LRRK1: variants seen among roughly 807,000 people sequenced by gnomAD.
LRRK1 encodes leucine-rich repeat serine/threonine-protein kinase 1.
Under a neutral mutation model 209.1 loss-of-function variants are expected in LRRK1, and 113 were observed. The ratio of observed to expected loss-of-function variants is 0.54; its 90% CI spans 0.46 to 0.63. The LOEUF is 0.63. LRRK1 is among the 30% of genes least tolerant of loss of function. The pLI is 0.00. For missense variants in LRRK1, 2,284 were observed against 2,632.2 expected (o/e 0.87, Z 2.89); for synonymous variants, 1,144 against 1,099.7 (o/e 1.04, Z -0.80).
chr15:101,070,216 T>G lies in LRRK1; in HGVS notation c.*1368T>G, dbSNP rs993505173. 2 of 151,886 alleles carry G rather than the reference T, an allele frequency of 1.3e-5. No individual in the cohort carries two copies. The highest frequency in any genetic ancestry group is 1.5e-5 in the Non-Finnish European group (1 of 68,028). 9.4% of individuals were successfully genotyped at this position (151,886 alleles called of 1,614,324 possible). A position where few individuals can be genotyped will look rare whatever the true frequency, so the allele number is the denominator to read the frequency against. ...TAATGGGCAGCCCCTCCTTGCCCAC[T>G]GTGCCAACATGCAGGTGGCCCCTGA... On this transcript the variant is annotated 3_prime_UTR_variant, in exon 34 of 34. Transcript: ENST00000388948.
intron 2 of LRRK1, among the ~76,000 whole-genome samples, chr15:100,942,840 A>G (rs940820875): frequency 1.3e-5 from 2 of 152,160 alleles, no homozygotes; most frequent in African/African-American, 4.8e-5. Context: ...TTGGGTCCTC[A>G]TGAGGCCTCT....
intron 3 of LRRK1, among the ~76,000 whole-genome samples, chr15:100,975,144 C>T (rs2031216010): frequency 6.6e-6 from 1 of 152,234 alleles, no homozygotes; most frequent in South Asian, 2.1e-4. Context: ...GAGAGAGCTG[C>T]GCTGTGCACA....
chr15:100,959,969 CT>C (rs1310605402), intron 2 of LRRK1, among the ~76,000 whole-genome samples: 2 of 152,190 alleles, frequency 1.3e-5, no homozygotes, highest in African/African-American at 4.8e-5. Context: ...TTTCCTTGCA[CT>C]CATTTTTGTT....
intron 24 of LRRK1, 81 bp from the exon 25 acceptor site, chr15:101,052,837 TCGGC>T (rs1283850399): frequency 1.4e-6 from 2 of 1,469,132 alleles, no homozygotes; most frequent in African/African-American, 2.8e-5. Context: ...ACCATGACTC[TCGGC>T]CGTTGGGGCA....
chr15:100,937,327 AC>A (rs2042317737), intron 2 of LRRK1, among the ~76,000 whole-genome samples: 1 of 152,104 alleles, frequency 6.6e-6, no homozygotes, highest in African/African-American at 2.4e-5. Context: ...ACCCAAACTT[AC>A]TACCAATTGC....
chr15:100,945,002 A>AG (rs936118955), intron 2 of LRRK1, among the ~76,000 whole-genome samples: 2 of 152,170 alleles, frequency 1.3e-5, no homozygotes, highest in African/African-American at 2.4e-5. Context: ...TCACACATTA[A>AG]GGGTGTCATT....
intron 6 of LRRK1, among the ~76,000 whole-genome samples, chr15:100,996,376 C>T (rs2032411894): frequency 1.3e-5 from 2 of 152,224 alleles, no homozygotes; most frequent in Admixed American, 1.3e-4. Flanking sequence ...GGGGCATGGA[C>T]CCTGACTCCT....
chr15:101,010,966 C>T, intron 9 of LRRK1, 129 bp downstream of exon 9: 1 of 763,010 alleles, frequency 1.3e-6, no homozygotes, highest in Non-Finnish European at 2.1e-6. Context: ...GGCCCGGTTC[C>T]CACATTGTAA....
At position 100,919,459 on chromosome 15, in the gene LRRK1, C is replaced by A. The variant is rs1281993073; in HGVS notation, c.-123+8C>A. 6.8e-6 allele frequency: 1 copy of A among 148,040 alleles called. No homozygotes were observed. The highest frequency in any genetic ancestry group is 1.5e-5 in the Non-Finnish European group (1 of 66,204). The allele number at this position is 148,040 out of a possible 1,614,324, so 9.2% of individuals were successfully genotyped here. A position where few individuals can be genotyped will look rare whatever the true frequency, so the allele number is the denominator to read the frequency against. ...GCCCCGCCGCCGCCTCAGGTAAGCG[C>A]CGCTCCTGCCGGCGCCCCCCGGCGG... is the stretch of plus-strand genomic sequence containing the variant. On this transcript the variant is annotated splice_region_variant and intron_variant, in intron 1 of 33. Coordinates refer to ENST00000388948, the MANE Select transcript of LRRK1 (RefSeq NM_024652.6). The surrounding 1 kb of genome is among the most constrained non-coding windows in gnomAD (Gnocchi z 5.8).
At chr15:101,049,508 TC>T in intron 22 of LRRK1, 135 bp from the exon 23 acceptor site, 1 of 925,482 alleles carries the variant, frequency 1.1e-6, no homozygotes, top group Non-Finnish European at 1.6e-6. Flanking sequence ...CAGGGAGGAG[TC>T]CCCCATCGGT....
chr15:101,018,876 C>T (rs1003904498), intron 12 of LRRK1, among the ~76,000 whole-genome samples: 2 of 152,186 alleles, frequency 1.3e-5, no homozygotes, highest in Admixed American at 6.5e-5. Flanking sequence ...GGGTTATTCT[C>T]CCAGGGCCAT....
In LRRK1 at chr15:100,937,180, A is replaced by C. The variant is rs1395517372; in HGVS notation, c.97+12451A>C. ...TAGATTTTCGAATATTTTAGCATGAAGTTGATAATGGTTCAGGATTTTAAA... is the reference window on the plus strand; with the variant it reads ...TAGATTTTCGAATATTTTAGCATGACGTTGATAATGGTTCAGGATTTTAAA... On this transcript the variant is annotated intron_variant, in intron 2 of 33. Coordinates refer to ENST00000388948, the MANE Select transcript of LRRK1 (RefSeq NM_024652.6). Among the ~76,000 whole-genome samples the C allele has an allele frequency of 2.6e-5, 4 of 152,218 alleles. No homozygotes were observed. The East Asian group carries it at 7.7e-4, about 29-fold the overall frequency.
At chr15:101,020,076 T>C (rs981314942) in intron 12 of LRRK1, among the ~76,000 whole-genome samples, 1 of 152,242 alleles carries the variant, frequency 6.6e-6, no homozygotes, top group African/African-American at 2.4e-5. Context: ...CTAGCTTTTT[T>C]TCATGGAAAA....
chr15:100,983,779 C>A, intron 4 of LRRK1, 80 bp downstream of exon 4: 1 of 1,333,456 alleles, frequency 7.5e-7, no homozygotes, highest in Non-Finnish European at 1.1e-6. Context: ...TTTACTTCTT[C>A]ATGCTTTCAC....
chr15:101,012,107 G>T lies in LRRK1; in HGVS notation c.1381G>T (p.Ala461Ser). The stretch of plus-strand genomic sequence containing the variant: ...GAAGGATGTGGATTTCTCAGAAAAC[G>T]CACTCAAAGAAGTTCCCCTGGGACT... Reference protein sequence around the residue: ...HLKDVDFSENALKEVPLGLFQ... With the variant: ...HLKDVDFSENSLKEVPLGLFQ... Residue 461 changes from alanine to serine, a missense_variant, in exon 10 of 34, where the codon GCA becomes TCA. This residue lies in a region of LRRK1 where 494 missense variants were observed against 522.1 expected (regional missense o/e 0.95). Coordinates refer to ENST00000388948, the MANE Select transcript of LRRK1 (RefSeq NM_024652.6). The T allele has an allele frequency of 6.2e-7, 1 of 1,612,618 alleles. No homozygotes were observed. Among genetic ancestry groups the T allele is most frequent in the Non-Finnish European group, 8.5e-7 (1 of 1,179,514 alleles).
At position 101,008,690 on chromosome 15, in the gene LRRK1, G is replaced by A. The variant is rs928326541; in HGVS notation, c.763-147G>A. 3.6e-5 allele frequency: 23 copies of A among 646,756 alleles called. No homozygotes were observed. In the Admixed American group the frequency reaches 6.1e-4, roughly 17 times the overall value. The allele number at this position is 646,756 out of a possible 1,614,324, so 40.1% of individuals were successfully genotyped here. ...CCCACCACCGTGGCAGGTGCCGGCG[G>A]CCGAGAAGGACATGTGCAGGCCTCT... On this transcript the variant is annotated intron_variant, in intron 6 of 33. Transcript: ENST00000388948.
In LRRK1 at chr15:101,065,671, G is replaced by A. The variant is rs1337102657; in HGVS notation, c.5234G>A (p.Gly1745Asp). The A allele has an allele frequency of 6.2e-7, 1 of 1,614,100 alleles. No individual in the cohort carries two copies. Among genetic ancestry groups the A allele is most frequent in the Admixed American group, 1.7e-5 (1 of 60,024 alleles). Residue 1745 changes from glycine (G) to aspartate (D), a missense_variant, in exon 32 of 34, where the codon GGC (glycine) becomes GAC (aspartate). Physicochemically the swap from Gly to Asp is moderately conservative, Grantham distance 94. This residue lies in a region of LRRK1 where 643 missense variants were observed against 695.9 expected (regional missense o/e 0.92). Transcript: ENST00000388948. ...ACGTCAGTCGTGTGCAGCTCTGAGG[G>A]CAGAGGGGAGGAGGTCGTCTGGTGC... ...MVTSVVCSSE[G>D]RGEEVVWCLD...
chr15:100,960,813 TC>T (rs1250343103), intron 2 of LRRK1, among the ~76,000 whole-genome samples: 4 of 152,216 alleles, frequency 2.6e-5, no homozygotes, highest in African/African-American at 7.2e-5. Context: ...AAAGAATTCA[TC>T]TTCATAGCTT....
intron 6 of LRRK1, among the ~76,000 whole-genome samples, chr15:100,998,214 T>C (rs1487298925): frequency 6.7e-6 from 1 of 149,388 alleles, no homozygotes; most frequent in Non-Finnish European, 1.5e-5. Context: ...AGCCAAAATA[T>C]CTGGTGGCAG....
Sources: gnomAD v4.1 joint callset for allele counts (sites outside exome capture counted in the v4.1 genomes callset) on GRCh38, gnomAD v4.1.1 for gene constraint, gnomAD v4.1.1 regional missense constraint, Gnocchi (gnomAD v3.1) non-coding constraint, MANE v1.5 for transcripts, NCBI Gene and HGNC (gene_info 2026-07-23, HGNC 2026-07-21) for gene names.